CCDC77: variants seen among roughly 807,000 people sequenced by gnomAD.
CCDC77 encodes coiled-coil domain containing 77, also known as coiled-coil domain-containing protein 77.
Under a neutral mutation model 66.8 loss-of-function variants are expected in CCDC77, and 56 were observed. The ratio of observed to expected loss-of-function variants is 0.84; its 90% CI spans 0.68 to 1.05. The LOEUF (loss-of-function observed/expected upper bound fraction) is 1.05, where lower values mean the gene tolerates loss of function less well. Among genes scored for constraint, CCDC77 ranks in the 50% least tolerant of loss-of-function variants. The pLI is 0.00. For synonymous variants in CCDC77, 196 were observed against 195.2 expected (o/e 1.00, Z -0.03); for missense variants, 570 against 576.8 (o/e 0.99, Z 0.12).
chr12:408,907 A>G (rs1166610804), intron 2 of CCDC77, among the ~76,000 whole-genome samples: 1 of 152,170 alleles, frequency 6.6e-6, no homozygotes, highest in Non-Finnish European at 1.5e-5. Flanking sequence ...AGATACTTTA[A>G]AGAATACTAC....
rs967667369 is a variant in CCDC77, at chr12:413,953, T to C, written c.270+1975T>C. Among the ~76,000 whole-genome samples the C allele has an allele frequency of 1.3e-5, 2 of 151,282 alleles. 1 individual carries two copies. The highest frequency in any genetic ancestry group is 4.9e-5 in the African/African-American group (2 of 40,872). On this transcript the variant is annotated intron_variant, in intron 4 of 12. Transcript: ENST00000239830. Reference sequence around the variant, plus strand: ...GGGAAATGTCTTGACTGCAGTTTCATCTCGGTCCTTGCCATGCCACTAAAA... The same window carrying C: ...GGGAAATGTCTTGACTGCAGTTTCACCTCGGTCCTTGCCATGCCACTAAAA...
At chr12:439,775 G>A (rs1009168900) in intron 10 of CCDC77, among the ~76,000 whole-genome samples, 5 of 149,480 alleles carry the variant, frequency 3.3e-5, no homozygotes, top group East Asian at 1.9e-4. Flanking sequence ...CAAGGACTCC[G>A]TCTCAGAAAA....
chr12:436,516 G>A (rs557472583), intron 9 of CCDC77, among the ~76,000 whole-genome samples: 6 of 152,150 alleles, frequency 3.9e-5, no homozygotes, highest in South Asian at 2.1e-4. Flanking sequence ...GAGCCATCGC[G>A]CCCGGTCTGC....
At chr12:398,527 C>T (rs140841294), upstream of CCDC77, among the ~76,000 whole-genome samples, 2,457 of 151,034 alleles carry the variant, frequency 0.016, 41 homozygotes, top group South Asian at 0.032. Flanking sequence ...GCAACCTCTG[C>T]CTCCCGGGTT....
intron 6 of CCDC77, among the ~76,000 whole-genome samples, chr12:429,555 C>T (rs1181353259): frequency 6.6e-6 from 1 of 151,158 alleles, no homozygotes; most frequent in African/African-American, 2.4e-5. Context: ...CGCTCTGGGG[C>T]TCAAGCACTC....
Position 389,457 on chromosome 12 carries a change from A to T in CCDC77, c.-142A>T, listed in dbSNP as rs905576225. On this transcript the variant is annotated 5_prime_UTR_variant, in exon 1 of 12. Coordinates refer to the CCDC77 transcript ENST00000422000. ...CTCCTTGCCCGCCAAAGTTCTGCCC[A>T]GTCCAACGACTCCACGCAGCTCGCC... 37 of 436,544 alleles carry T rather than the reference A, an allele frequency of 8.5e-5. No homozygotes were observed. The Middle Eastern group carries it at 1.9e-3, about 23-fold the overall frequency. 27.0% of individuals were successfully genotyped at this position (436,544 alleles called of 1,614,324 possible). A position where few individuals can be genotyped will look rare whatever the true frequency, so the allele number is the denominator to read the frequency against.
intron 1 of CCDC77, among the ~76,000 whole-genome samples, chr12:393,905 C>T (rs763375486): frequency 1.1e-4 from 17 of 152,140 alleles, no homozygotes; most frequent in Non-Finnish European, 1.0e-4. Context: ...TTAGAAAATA[C>T]TGGTTCACTG....
chr12:406,802 C>T (rs1426855453), intron 2 of CCDC77, among the ~76,000 whole-genome samples: 4 of 152,188 alleles, frequency 2.6e-5, no homozygotes, highest in Non-Finnish European at 5.9e-5. Flanking sequence ...CAAAAATTAG[C>T]CAGGCTTGGT....
intron 9 of CCDC77, among the ~76,000 whole-genome samples, chr12:434,820 C>T (rs1033769700): frequency 4.6e-5 from 7 of 152,208 alleles, no homozygotes; most frequent in Non-Finnish European, 8.8e-5. Flanking sequence ...ACCCCTTCAC[C>T]CTTTTGCCTG....
At chr12:417,132 C>CAAAAAA (rs35593098) in intron 4 of CCDC77, among the ~76,000 whole-genome samples, 1 of 128,352 alleles carries the variant, frequency 7.8e-6, no homozygotes, top group African/African-American at 3.0e-5. Context: ...GGCTCTGTCT[C>CAAAAAA]AAAAAAAAAA....
At chr12:436,623 C>G in intron 9 of CCDC77, 1 of 239,426 alleles carries the variant, frequency 4.2e-6, no homozygotes, top group Non-Finnish European at 6.8e-6. Context: ...AGTATAGCAT[C>G]TTGACATTTC....
chr12:430,198 G>A (rs1331920579), intron 6 of CCDC77, among the ~76,000 whole-genome samples: 1 of 151,832 alleles, frequency 6.6e-6, no homozygotes, highest in Non-Finnish European at 1.5e-5. Flanking sequence ...TCTCCATGTT[G>A]GTTAGGCTGG....
intron 1 of CCDC77, chr12:389,527 G>C: frequency 2.9e-6 from 1 of 344,138 alleles, no homozygotes; most frequent in Non-Finnish European, 5.5e-6. Context: ...CTTTACTAGA[G>C]GTACGGATTG....
chr12:438,372 A>G lies in CCDC77; in HGVS notation c.859A>G (p.Lys287Glu). ...CCAAGAACTGCTCTATGAGAGCACCAAAGATTTTCTGCAACTCAGATCTGA... is the reference window on the plus strand; with the variant it reads ...CCAAGAACTGCTCTATGAGAGCACCGAAGATTTTCTGCAACTCAGATCTGA... ...HTQELLYEST[K>E]DFLQLRSENQ... Residue 287 changes from lysine to glutamate, a missense_variant, in exon 10 of 13, where the codon AAA becomes GAA. Lys to Glu is a moderately conservative substitution (Grantham distance 56). Coordinates refer to ENST00000239830, the MANE Select transcript of CCDC77 (RefSeq NM_032358.4). The G allele has an allele frequency of 8.1e-6, 13 of 1,614,102 alleles. No homozygotes were observed. The highest frequency in any genetic ancestry group is 1.1e-5 in the Non-Finnish European group (13 of 1,179,980).
At chr12:433,597 AGTGGCTCACGCCT>A (rs1235486620) in intron 9 of CCDC77, 3 of 504,024 alleles carry the variant, frequency 6.0e-6, no homozygotes, top group East Asian at 1.2e-4. Flanking sequence ...GGCCGGGTGC[AGTGGCTCACGCCT>A]GTAATCGCTC....
intron 6 of CCDC77, among the ~76,000 whole-genome samples, chr12:430,220 C>G (rs1375344178): frequency 6.6e-6 from 1 of 151,422 alleles, no homozygotes; most frequent in Non-Finnish European, 1.5e-5. Flanking sequence ...CTTGAACTCC[C>G]GACCTCAGGT....
chr12:398,124 CT>C (rs756344749), upstream of CCDC77, among the ~76,000 whole-genome samples: 3 of 152,122 alleles, frequency 2.0e-5, no homozygotes, highest in African/African-American at 4.8e-5. Flanking sequence ...TGTTTTCATT[CT>C]TCCTTTCATG....
At chr12:409,871 A>C (rs1244094027) in intron 3 of CCDC77, 1 of 152,382 alleles carries the variant, frequency 6.6e-6, no homozygotes, top group Non-Finnish European at 1.4e-5. Context: ...GGTGGTGTGC[A>C]CCTGTAATCT....
intron 2 of CCDC77, 78 bp from the exon 3 acceptor site, chr12:409,290 A>G (rs1434330744): frequency 2.1e-6 from 2 of 938,400 alleles, no homozygotes; most frequent in Non-Finnish European, 3.4e-6. Context: ...GATGTTGAAG[A>G]GGGAACCAGT....
Sources: allele counts gnomAD v4.1 joint callset (sites outside exome capture counted in the v4.1 genomes callset), GRCh38; gene constraint gnomAD v4.1.1; transcripts MANE v1.5; gene names NCBI Gene and HGNC (gene_info 2026-07-23, HGNC 2026-07-21).